CTIF: variants seen among roughly 807,000 people sequenced by gnomAD.
CTIF encodes CBP80/20-dependent translation initiation factor.
Under a neutral mutation model 66.0 loss-of-function variants are expected in CTIF, and 21 were observed. The observed-to-expected ratio is 0.32, with a 90% CI of 0.23 to 0.46. CTIF has a LOEUF of 0.46. CTIF is among the 20% of genes least tolerant of loss of function. CTIF has a pLI of 1.00. For missense variants in CTIF, 739 were observed against 812.7 expected (o/e 0.91, Z 1.10); for synonymous variants, 345 against 326.4 (o/e 1.06, Z -0.62).
chr18:48,648,159 A>G (rs1055792638), intron 3 of CTIF, among the ~76,000 whole-genome samples: 1 of 152,170 alleles, frequency 6.6e-6, no homozygotes, highest in Non-Finnish European at 1.5e-5. Flanking sequence ...ATTAGCTGAG[A>G]GTGGGCAGAG....
At chr18:48,557,106 G>A (rs998247811) in intron 1 of CTIF, among the ~76,000 whole-genome samples, 16 of 152,124 alleles carry the variant, frequency 1.1e-4, no homozygotes, top group Non-Finnish European at 2.2e-4. Flanking sequence ...GGAGGGGTGG[G>A]GCTGTAAAAG....
At chr18:48,823,422 T>C (rs1376514291) in intron 10 of CTIF, among the ~76,000 whole-genome samples, 2 of 152,240 alleles carry the variant, frequency 1.3e-5, no homozygotes, top group Admixed American at 6.5e-5. Context: ...AGAGACTGTC[T>C]TTTCCCCATT....
chr18:48,794,012 T>TCATCCC (rs1436064207), intron 9 of CTIF, among the ~76,000 whole-genome samples: 8 of 149,380 alleles, frequency 5.4e-5, no homozygotes, highest in Admixed American at 2.0e-4. Context: ...TCTACAGATT[T>TCATCCC]CATCCCCATC....
intron 6 of CTIF, among the ~76,000 whole-genome samples, chr18:48,694,087 C>T (rs1014109901): frequency 2.0e-5 from 3 of 152,228 alleles, no homozygotes; most frequent in Non-Finnish European, 4.4e-5. Context: ...TGGCTTCCCT[C>T]ACTCAGCTGT....
chr18:48,805,816 G>A (rs767244199), intron 9 of CTIF, among the ~76,000 whole-genome samples: 8 of 152,222 alleles, frequency 5.3e-5, no homozygotes, highest in Non-Finnish European at 8.8e-5. Flanking sequence ...TAGATTAACA[G>A]CCCCCTACCC....
chr18:48,857,769 G>A (rs1276456263), intron 11 of CTIF, 128 bp downstream of exon 11: 1 of 767,832 alleles, frequency 1.3e-6, no homozygotes, highest in African/African-American at 1.8e-5. Flanking sequence ...GATGGCTTCA[G>A]GAGTGGGCAT....
intron 5 of CTIF, among the ~76,000 whole-genome samples, chr18:48,665,490 A>C (rs962975117): frequency 6.6e-6 from 1 of 152,222 alleles, no homozygotes; most frequent in Non-Finnish European, 1.5e-5. Flanking sequence ...CAGAATTCCC[A>C]TACCATAAAA....
At chr18:48,707,152 A>G (rs2092167111) in intron 6 of CTIF, among the ~76,000 whole-genome samples, 1 of 152,250 alleles carries the variant, frequency 6.6e-6, no homozygotes, top group Admixed American at 6.5e-5. Context: ...ACTGATGTCT[A>G]CATGGGGCCC....
chr18:48,808,268 A>C (rs551005817), intron 9 of CTIF, among the ~76,000 whole-genome samples: 1 of 152,350 alleles, frequency 6.6e-6, no homozygotes, highest in East Asian at 1.9e-4. Flanking sequence ...ACATTTTGAC[A>C]CAGGATTTAC....
rs10591389 is a variant in CTIF at position 48,852,233 on chromosome 18, T to TAAAAA, written c.1528-5330_1528-5326dup. Among the ~76,000 whole-genome samples, 624 of 66,532 alleles carry TAAAAA rather than the reference T, an allele frequency of 9.4e-3. 29 individuals are homozygous for TAAAAA. The highest frequency in any genetic ancestry group is 0.028 in the African/African-American group (551 of 19,454). The allele number at this position is 66,532 out of a possible 152,430, so 43.6% of individuals were successfully genotyped here. Reference sequence around the variant, plus strand: ...TGGGGGACAGAGTGAGACCCTGTCTTAAAAAAAAAAAAAAAAAAAAAAAAA... The same window carrying TAAAAA: ...TGGGGGACAGAGTGAGACCCTGTCTTAAAAAAAAAAAAAAAAAAAAAAAAAAAAAA... On this transcript the variant is annotated intron_variant, in intron 10 of 11. Transcript: ENST00000256413.
intron 7 of CTIF, among the ~76,000 whole-genome samples, chr18:48,726,736 A>G (rs1012903638): frequency 2.0e-5 from 3 of 152,100 alleles, no homozygotes; most frequent in African/African-American, 7.2e-5. Context: ...GCCATATTCT[A>G]CCATATTCTG....
rs923898443 is a variant in CTIF, at chr18:48,633,532, T to C, written c.181-3082T>C. 3.3e-5 allele frequency among the ~76,000 whole-genome samples: 5 copies of C among 151,996 alleles called. No homozygotes were observed. In the East Asian group the frequency reaches 5.8e-4, roughly 18 times the overall value. On this transcript the variant is annotated intron_variant, in intron 2 of 11. Coordinates refer to ENST00000256413, the MANE Select transcript of CTIF (RefSeq NM_014772.3). The stretch of plus-strand genomic sequence containing the variant: ...GGCTGGCCAACATGGTGAAACCCCA[T>C]CTCTACTAAAAATACAACAATTAGT...
chr18:48,816,425 C>T (rs1038576341), intron 9 of CTIF, among the ~76,000 whole-genome samples: 15 of 152,156 alleles, frequency 9.9e-5, no homozygotes, highest in Non-Finnish European at 2.2e-4. Context: ...CTTGCAGTGG[C>T]CTCCTGTGTG....
rs2069426808 is a variant in CTIF at position 48,860,003 on chromosome 18, T to C, written c.*444T>C. On this transcript the variant is annotated 3_prime_UTR_variant, in exon 12 of 12. Transcript: ENST00000256413. ...GTGGGTCGGAGACGGGCTCGCATTG[T>C]TCCCGCATGCTGTCAGCCGCAGTCG... The C allele has an allele frequency of 4.4e-6, 2 of 454,602 alleles. No individual in the cohort carries two copies. The highest frequency in any genetic ancestry group is 8.9e-6 in the Non-Finnish European group (2 of 225,576). The allele number at this position is 454,602 out of a possible 1,614,324, so 28.2% of individuals were successfully genotyped here. A position where few individuals can be genotyped will look rare whatever the true frequency, so the allele number is the denominator to read the frequency against.
intron 10 of CTIF, among the ~76,000 whole-genome samples, chr18:48,854,200 C>A (rs1192718542): frequency 6.6e-6 from 1 of 151,966 alleles, no homozygotes; most frequent in Non-Finnish European, 1.5e-5. Flanking sequence ...GTGGAATGTG[C>A]ATGGGGGGGA....
At chr18:48,846,497 A>AGATGGATGGATGGATG (rs1555705172) in intron 10 of CTIF, among the ~76,000 whole-genome samples, 6 of 136,790 alleles carry the variant, frequency 4.4e-5, no homozygotes, top group Non-Finnish European at 9.1e-5. Flanking sequence ...ATGAAAGGAT[A>AGATGGATGGATGGATG]GATGGATGGA....
intron 1 of CTIF, among the ~76,000 whole-genome samples, chr18:48,558,957 A>T (rs1356736694): frequency 6.6e-6 from 1 of 152,250 alleles, no homozygotes; most frequent in Non-Finnish European, 1.5e-5. Context: ...GCGTTTGCAG[A>T]TCTTTTTCAG....
intron 3 of CTIF, among the ~76,000 whole-genome samples, chr18:48,638,743 C>G (rs114860427): frequency 6.6e-6 from 1 of 152,222 alleles, no homozygotes; most frequent in Admixed American, 6.5e-5. Flanking sequence ...TTTGACAAAA[C>G]GAAATATAAC....
chr18:48,643,770 T>C (rs1283393563), intron 3 of CTIF, among the ~76,000 whole-genome samples: 2 of 152,112 alleles, frequency 1.3e-5, no homozygotes, highest in Non-Finnish European at 2.9e-5. Flanking sequence ...CATTTTGGGA[T>C]ATTGTTTTCT....
Sources: gnomAD v4.1 joint callset for allele counts (sites outside exome capture counted in the v4.1 genomes callset) on GRCh38, gnomAD v4.1.1 for gene constraint, MANE v1.5 for transcripts, NCBI Gene and HGNC (gene_info 2026-07-23, HGNC 2026-07-21) for gene names.